Variants in TMEFF2 observed in about 807,000 individuals in gnomAD.
TMEFF2 encodes the protein transmembrane protein with EGF like and two follistatin like domains 2, also known as tomoregulin-2.
A neutral mutation model predicts 53.8 loss-of-function variants in TMEFF2; 28 were observed. The observed-to-expected ratio is 0.52, with a 90% CI of 0.39 to 0.71. The LOEUF (loss-of-function observed/expected upper bound fraction) is 0.71. TMEFF2 is among the 30% of genes least tolerant of loss of function. The probability of loss-of-function intolerance (pLI) is 0.00; values close to 1 mark genes in which losing one functional copy is unlikely to be tolerated. For missense variants in TMEFF2, 353 were observed against 455.2 expected (o/e 0.78, Z 2.04); for synonymous variants, 162 against 166.3 (o/e 0.97, Z 0.20).
chr2:192,158,730 A>C (rs950152115), intron 4 of TMEFF2, among the ~76,000 whole-genome samples: 1 of 152,154 alleles, frequency 6.6e-6, no homozygotes, highest in Non-Finnish European at 1.5e-5. Flanking sequence ...CTAGAAAAAC[A>C]ACCACAGCAA....
chr2:191,951,860 A>C (rs1184265065), intron 9 of TMEFF2, among the ~76,000 whole-genome samples: 1 of 152,014 alleles, frequency 6.6e-6, no homozygotes, highest in Non-Finnish European at 1.5e-5. Context: ...CAATAAATTG[A>C]GGACAGGTTT....
At chr2:192,116,236 C>T (rs1050197059) in intron 4 of TMEFF2, among the ~76,000 whole-genome samples, 1 of 151,934 alleles carries the variant, frequency 6.6e-6, no homozygotes, top group African/African-American at 2.4e-5. Context: ...AAGCTATACA[C>T]AGACAAATAC....
intron 4 of TMEFF2, among the ~76,000 whole-genome samples, chr2:192,126,475 T>A (rs1482469401): frequency 6.6e-6 from 1 of 152,134 alleles, no homozygotes; most frequent in African/African-American, 2.4e-5. Flanking sequence ...CAGAAAAAAA[T>A]ATCAAGATGT....
At chr2:192,132,938 A>G (rs544708070) in intron 4 of TMEFF2, among the ~76,000 whole-genome samples, 43 of 152,244 alleles carry the variant, frequency 2.8e-4, no homozygotes, top group African/African-American at 7.2e-4. Flanking sequence ...CACAAACGCC[A>G]AGCTTCGAGT....
intron 5 of TMEFF2, among the ~76,000 whole-genome samples, chr2:192,003,938 G>GGGGC (rs56274230): frequency 1.4e-5 from 2 of 145,756 alleles, no homozygotes; most frequent in African/African-American, 2.5e-5. Context: ...TGGGGGGGGG[G>GGGGC]CTCACACTCA....
chr2:192,092,035 T>C (rs765313621), intron 4 of TMEFF2, among the ~76,000 whole-genome samples: 48 of 151,314 alleles, frequency 3.2e-4, no homozygotes, highest in Non-Finnish European at 6.5e-4. Context: ...GTCTAGGTAC[T>C]TGCCCAGGAT....
chr2:192,193,647 C>T lies in TMEFF2; in HGVS notation c.172+706G>A, dbSNP rs761001919. On this transcript the variant is annotated intron_variant, in intron 1 of 9. Coordinates refer to ENST00000272771, the MANE Select transcript of TMEFF2 (RefSeq NM_016192.4). ...CAAAGTGTTCTTTTTCTCAACTCCC[C>T]TGTACTACCTTGAAGCTTAGGGAAG... Among the ~76,000 whole-genome samples the T allele has an allele frequency of 8.7e-4, 133 of 152,186 alleles. 1 individual carries two copies. Among genetic ancestry groups the T allele is most frequent in the Non-Finnish European group, 1.6e-3 (110 of 68,000 alleles).
Position 192,194,284 on chromosome 2 carries a change from C to T in TMEFF2, c.172+69G>A. 3.2e-6 allele frequency: 5 copies of T among 1,573,552 alleles called. No individual in the cohort carries two copies. The highest frequency in any genetic ancestry group is 4.3e-6 in the Non-Finnish European group (5 of 1,152,258). ...GGCTGAGGAGGCGCGCTAGGGTAGG[C>T]TGGTCTGTGCTGGATACGCGTGTTC... On this transcript the variant is annotated intron_variant, in intron 1 of 9. Transcript: ENST00000272771. This position sits in a 1 kb window ranked among gnomAD's most constrained non-coding sequence, Gnocchi z 4.2.
At chr2:191,960,554 G>A (rs182534672) in intron 7 of TMEFF2, among the ~76,000 whole-genome samples, 5 of 152,202 alleles carry the variant, frequency 3.3e-5, no homozygotes, top group East Asian at 3.9e-4. Flanking sequence ...GACCCTACCC[G>A]TTGTTCACTA....
Position 192,187,298 on chromosome 2 carries a change from C to T in TMEFF2, c.283-2815G>A, listed in dbSNP as rs535333948. 2.9e-4 allele frequency among the ~76,000 whole-genome samples: 44 copies of T among 152,230 alleles called. No individual in the cohort carries two copies. The Middle Eastern group carries it at 0.014, about 47-fold the overall frequency. The stretch of plus-strand genomic sequence containing the variant: ...GGAACTTTTGGGAAATTAACAAAGT[C>T]ATGTTTTTAAAACAAGAAATATCTT... On this transcript the variant is annotated intron_variant, in intron 2 of 9. Coordinates refer to ENST00000272771, the MANE Select transcript of TMEFF2 (RefSeq NM_016192.4).
intron 5 of TMEFF2, chr2:192,044,269 A>C (rs1687557155): frequency 6.6e-6 from 1 of 152,236 alleles, no homozygotes; most frequent in Non-Finnish European, 1.5e-5. Context: ...GATTTGACGT[A>C]GTGAGCAAGA....
At chr2:192,161,392 GT>G (rs537297344) in intron 4 of TMEFF2, among the ~76,000 whole-genome samples, 1 of 152,118 alleles carries the variant, frequency 6.6e-6, no homozygotes, top group South Asian at 2.1e-4. Context: ...ACTTCAAGTG[GT>G]CTGCCCTCCT....
At chr2:192,027,688 C>T (rs1343540673) in intron 5 of TMEFF2, among the ~76,000 whole-genome samples, 1 of 152,178 alleles carries the variant, frequency 6.6e-6, no homozygotes, top group Non-Finnish European at 1.5e-5. Flanking sequence ...GGCCAGTGCA[C>T]ACAGGGCACA....
In TMEFF2 at chr2:192,001,260, T is replaced by C. The variant is rs138785990; in HGVS notation, c.537-2052A>G. Among the ~76,000 whole-genome samples, 144 of 152,326 alleles carry C rather than the reference T, an allele frequency of 9.5e-4. No individual in the cohort carries two copies. The East Asian group carries it at 0.027, about 28-fold the overall frequency. ...ACAGAAAGGTATGTTCTGTCACTTG[T>C]CTACCTAAATGGTAAATTAGATAAG... On this transcript the variant is annotated intron_variant, in intron 5 of 9. Transcript: ENST00000272771.
intron 4 of TMEFF2, among the ~76,000 whole-genome samples, chr2:192,058,430 T>A (rs72916068): frequency 1.2e-4 from 18 of 152,234 alleles, no homozygotes; most frequent in Non-Finnish European, 2.4e-4. Context: ...TATTTTATTT[T>A]AAAAAAATAC....
intron 5 of TMEFF2, among the ~76,000 whole-genome samples, chr2:192,050,181 A>T (rs1374589334): frequency 2.0e-5 from 3 of 152,228 alleles, no homozygotes; most frequent in Non-Finnish European, 2.9e-5. Context: ...CCTAATAAAT[A>T]TTGTAAAAAC....
intron 4 of TMEFF2, among the ~76,000 whole-genome samples, chr2:192,107,949 CTG>C (rs200182776): frequency 9.8e-5 from 14 of 143,016 alleles, no homozygotes; most frequent in Admixed American, 6.9e-5. Flanking sequence ...AACAATATAA[CTG>C]TTTTTTTTTT....
intron 4 of TMEFF2, among the ~76,000 whole-genome samples, chr2:192,070,719 G>A (rs186195570): frequency 1.2e-4 from 18 of 151,998 alleles, no homozygotes; most frequent in African/African-American, 3.9e-4. Context: ...TTCAGAATCT[G>A]AGATCTTTAA....
chr2:192,006,197 G>A (rs753150574), intron 5 of TMEFF2, among the ~76,000 whole-genome samples: 1 of 151,924 alleles, frequency 6.6e-6, no homozygotes, highest in South Asian at 2.1e-4. Context: ...CATCTTGCAC[G>A]TGGAAAAAGC....
Sources: gnomAD v4.1 joint callset for allele counts (sites outside exome capture counted in the v4.1 genomes callset) on GRCh38, gnomAD v4.1.1 for gene constraint, Gnocchi (gnomAD v3.1) non-coding constraint, MANE v1.5 for transcripts, NCBI Gene and HGNC (gene_info 2026-07-23, HGNC 2026-07-21) for gene names.